Variants in LRRC4 observed in about 807,000 individuals in gnomAD.
The protein encoded by LRRC4 is leucine-rich repeat-containing protein 4.
A neutral mutation model predicts 37.9 loss-of-function variants in LRRC4; 11 were observed. That is an observed-to-expected ratio of 0.29 (90% confidence interval 0.18 to 0.48). The LOEUF (loss-of-function observed/expected upper bound fraction) is 0.48. Among genes scored for constraint, LRRC4 ranks in the 20% least tolerant of loss-of-function variants. The pLI is 0.99. For missense variants in LRRC4, 717 were observed against 842.1 expected, an observed-to-expected ratio of 0.85 and a Z score of 1.84; for synonymous variants, 404 against 346.7, an observed-to-expected ratio of 1.17 and a Z score of -1.84.
chr7:128,028,532 A>T lies in LRRC4; in HGVS notation c.*147T>A. 3 of 750,720 alleles carry T rather than the reference A, an allele frequency of 4.0e-6. No individual in the cohort carries two copies. Among genetic ancestry groups the T allele is most frequent in the Admixed American group, 3.5e-5 (1 of 28,784 alleles). 46.5% of individuals were successfully genotyped at this position (750,720 alleles called of 1,614,324 possible). Reference sequence around the variant, plus strand: ...ATTTTTGTTTTGACTTTTTGTCTTTAAATTTTAATATAATCTGTTTTTTTT... The same window carrying T: ...ATTTTTGTTTTGACTTTTTGTCTTTTAATTTTAATATAATCTGTTTTTTTT... On this transcript the variant is annotated 3_prime_UTR_variant, in exon 2 of 2. Coordinates refer to ENST00000249363, the MANE Select transcript of LRRC4 (RefSeq NM_022143.5).
Position 128,029,301 on chromosome 7 carries a change from T to G in LRRC4, c.1340A>C (p.Asn447Thr), listed in dbSNP as rs1792502725. ...AYLNVSTAEL[N>T]TSNYSFFTTV... Reference sequence around the variant, plus strand: ...GGTGAAGAAGCTGTAGTTGGAGGTGTTAAGCTCAGCCGTGCTCACATTGAG... The same window carrying G: ...GGTGAAGAAGCTGTAGTTGGAGGTGGTAAGCTCAGCCGTGCTCACATTGAG... Residue 447 changes from asparagine to threonine, a missense_variant, in exon 2 of 2, where the codon AAC (asparagine) becomes ACC (threonine). Physicochemically the swap from Asn to Thr is moderately conservative, Grantham distance 65. Transcript: ENST00000249363. This position sits in a 1 kb window ranked among gnomAD's most constrained non-coding sequence, Gnocchi z 4.2. The G allele has an allele frequency of 2.5e-6, 4 of 1,614,030 alleles. No individual in the cohort carries two copies. The highest frequency in any genetic ancestry group is 3.4e-6 in the Non-Finnish European group (4 of 1,180,026).
Position 128,029,676 on chromosome 7 carries a change from T to G in LRRC4, c.965A>C (p.Asn322Thr). ...AWWLREYIPT[N>T]STCCGRCHAP... ...ATGACAGCGGCCACAGCAGGTGGAA[T>G]TGGTGGGTATATACTCTCGAAGCCA... is the stretch of plus-strand genomic sequence containing the variant. The change falls in exon 2 of 2, where the codon AAT becomes ACT. Residue 322 changes from asparagine (N) to threonine (T), a missense_variant. Asn to Thr is a moderately conservative substitution (Grantham distance 65). Coordinates refer to ENST00000249363, the MANE Select transcript of LRRC4 (RefSeq NM_022143.5). The surrounding 1 kb of genome is among the most constrained non-coding windows in gnomAD (Gnocchi z 4.2). 6.2e-7 allele frequency: 1 copy of G among 1,613,878 alleles called. No homozygotes were observed. Among genetic ancestry groups the G allele is most frequent in the Non-Finnish European group, 8.5e-7 (1 of 1,179,966 alleles).
rs146062073 is a variant in LRRC4 at position 128,029,527 on chromosome 7, G to A, written c.1114C>T (p.Leu372Phe). 1.6e-4 allele frequency: 260 copies of A among 1,614,082 alleles called. No homozygotes were observed. In the African/African-American group the frequency reaches 3.1e-3, roughly 19 times the overall value. ...LNISEGRMAE[L>F]KCRTPPMSSV... ...GACATAGGGGGAGTCCGACACTTAA[G>A]TTCTGCCATCCGACCCTCAGAAATG... The change falls in exon 2 of 2, where the codon CTT (leucine) becomes TTT (phenylalanine). Residue 372 changes from leucine (L) to phenylalanine (F), a missense_variant. By Grantham distance (22) the Leu-to-Phe change is conservative. Transcript: ENST00000249363. This position sits in a 1 kb window ranked among gnomAD's most constrained non-coding sequence, Gnocchi z 4.2.
rs1792563574 is a variant in LRRC4, at chr7:128,030,717, T to C, written c.-77A>G. 1.3e-6 allele frequency: 2 copies of C among 1,486,236 alleles called. No homozygotes were observed. Among genetic ancestry groups the C allele is most frequent in the Admixed American group, 2.3e-5 (1 of 43,992 alleles). The allele number at this position is 1,486,236 out of a possible 1,614,324, so 92.1% of individuals were successfully genotyped here. On this transcript the variant is annotated 5_prime_UTR_variant, in exon 2 of 2. Coordinates refer to ENST00000249363, the MANE Select transcript of LRRC4 (RefSeq NM_022143.5). The stretch of plus-strand genomic sequence containing the variant: ...AGAACCAGCCCTACCCCGGCTTAAG[T>C]GAGCTAGGAGCTCCTCTTTCCATCT...
chr7:128,028,970 C>T lies in LRRC4; in HGVS notation c.1671G>A (p.Arg557=), dbSNP rs754708450. ...CAGTCCGGGCGGCTGTGACTGTACT[C>T]CGCTGCTGGTGCCGCTTACGAAGTT... The part of the protein sequence containing the change: ...FYKLRKRHQQ[R]STVTAARTVE... The change falls in exon 2 of 2, where the codon CGG becomes CGA. Residue 557 remains arginine, a synonymous_variant. Coordinates refer to ENST00000249363, the MANE Select transcript of LRRC4 (RefSeq NM_022143.5). The T allele has an allele frequency of 6.2e-7, 1 of 1,608,926 alleles. No homozygotes were observed. The highest frequency in any genetic ancestry group is 1.1e-5 in the South Asian group (1 of 90,454).
rs1792481054 is a variant in LRRC4 at position 128,028,829 on chromosome 7, A to G, written c.1812T>C (p.His604=). 1 of 1,614,056 alleles carries G rather than the reference A, an allele frequency of 6.2e-7. No individual in the cohort carries two copies. Among genetic ancestry groups the G allele is most frequent in the African/African-American group, 1.3e-5 (1 of 74,920 alleles). ...GAVVLPTIHD[H]INYNTYKPAH... The stretch of plus-strand genomic sequence containing the variant: ...CTGGTTTGTAGGTGTTGTAGTTAAT[A>G]TGGTCATGAATTGTGGGCAGCACTA... Residue 604 remains histidine, a synonymous_variant, in exon 2 of 2, where the codon CAT becomes CAC. Coordinates refer to ENST00000249363, the MANE Select transcript of LRRC4 (RefSeq NM_022143.5).
chr7:128,029,845 C>T lies in LRRC4; in HGVS notation c.796G>A (p.Ala266Thr), dbSNP rs1429880531. The T allele has an allele frequency of 6.2e-7, 1 of 1,613,496 alleles. No homozygotes were observed. Among genetic ancestry groups the T allele is most frequent in the South Asian group, 1.1e-5 (1 of 91,086 alleles). The change falls in exon 2 of 2, where the codon GCT (alanine) becomes ACT (threonine). Residue 266 changes from alanine to threonine, a missense_variant. Around this residue, in one of 5 missense-constraint regions of LRRC4, gnomAD observed 138 missense variants for 261.0 expected, o/e 0.53. Transcript: ENST00000249363. The surrounding 1 kb of genome is among the most constrained non-coding windows in gnomAD (Gnocchi z 4.2). The part of the protein sequence containing the change: ...LIERNAFDGL[A>T]SLVELNLAHN... ...GCCAAGTTGAGTTCCACAAGTGAAG[C>T]CAGCCCGTCAAAAGCATTCCGCTCA...
chr7:128,027,774 G>A lies in LRRC4; in HGVS notation c.*905C>T, dbSNP rs995546441. ...ACAATGCTAATTTATGGCCTCCTGT[G>A]AATACATTCTCTCTGCTTTACCCTC... On this transcript the variant is annotated 3_prime_UTR_variant, in exon 2 of 2. Transcript: ENST00000249363. The A allele has an allele frequency of 6.6e-6, 1 of 152,228 alleles. No homozygotes were observed. Among genetic ancestry groups the A allele is most frequent in the Admixed American group, 6.5e-5 (1 of 15,290 alleles). 9.4% of individuals were successfully genotyped at this position (152,228 alleles called of 1,614,324 possible). A position where few individuals can be genotyped will look rare whatever the true frequency, so the allele number is the denominator to read the frequency against.
At position 128,029,134 on chromosome 7, in the gene LRRC4, G is replaced by C; in HGVS notation, c.1507C>G (p.Gln503Glu). 1 of 1,614,162 alleles carries C rather than the reference G, an allele frequency of 6.2e-7. No individual in the cohort carries two copies. Residue 503 changes from glutamine to glutamate, a missense_variant, in exon 2 of 2, where the codon CAG becomes GAG. Gln to Glu is a conservative substitution (Grantham distance 29). Coordinates refer to ENST00000249363, the MANE Select transcript of LRRC4 (RefSeq NM_022143.5). This position sits in a 1 kb window ranked among gnomAD's most constrained non-coding sequence, Gnocchi z 4.2. The part of the protein sequence containing the change: ...VLIQTTRVPK[Q>E]VAVPATDTTD... ...GTGTCTGTCGCGGGTACTGCCACCT[G>C]CTTGGGCACACGGGTAGTCTGAATG...
At position 128,030,017 on chromosome 7, in the gene LRRC4, A is replaced by C. The variant is rs1202005207; in HGVS notation, c.624T>G (p.Ile208Met). The C allele has an allele frequency of 6.2e-7, 1 of 1,613,030 alleles. No individual in the cohort carries two copies. Among genetic ancestry groups the C allele is most frequent in the African/African-American group, 1.3e-5 (1 of 74,906 alleles). ...LKYLNLGMCN[I>M]KDMPNLTPLV... ...GGGGGGTGAGATTGGGCATGTCTTT[A>C]ATGTTGCACATGCCCAAGTTCAGAT... The change falls in exon 2 of 2, where the codon ATT becomes ATG. Residue 208 changes from isoleucine (I) to methionine (M), a missense_variant. Physicochemically the swap from Ile to Met is conservative, Grantham distance 10. Transcript: ENST00000249363.
In LRRC4 at chr7:128,029,122, G is replaced by T; in HGVS notation, c.1519C>A (p.Pro507Thr). Residue 507 changes from proline (P) to threonine (T), a missense_variant, in exon 2 of 2, where the codon CCC becomes ACC. Coordinates refer to ENST00000249363, the MANE Select transcript of LRRC4 (RefSeq NM_022143.5). The surrounding 1 kb of genome is among the most constrained non-coding windows in gnomAD (Gnocchi z 4.2). ...TTRVPKQVAV[P>T]ATDTTDKMQT... ...ATCTTGTCAGTGGTGTCTGTCGCGGGTACTGCCACCTGCTTGGGCACACGG... is the reference window on the plus strand; with the variant it reads ...ATCTTGTCAGTGGTGTCTGTCGCGGTTACTGCCACCTGCTTGGGCACACGG... 1 of 1,614,116 alleles carries T rather than the reference G, an allele frequency of 6.2e-7. No individual in the cohort carries two copies. Among genetic ancestry groups the T allele is most frequent in the Non-Finnish European group, 8.5e-7 (1 of 1,180,032 alleles).
chr7:128,031,906 T>C (rs952705394), upstream of LRRC4: 1 of 150,726 alleles, frequency 6.6e-6, no homozygotes, highest in East Asian at 2.0e-4. Flanking sequence ...TGCAGCGGCG[T>C]GAGCAGCGGG....
chr7:128,029,499 G>T lies in LRRC4; in HGVS notation c.1142C>A (p.Ser381Tyr), dbSNP rs751888728. The part of the protein sequence containing the change: ...ELKCRTPPMS[S>Y]VKWLLPNGTV... ...CCCATTGGGCAGCAACCACTTCACGGAGGACATAGGGGGAGTCCGACACTT... is the reference window on the plus strand; with the variant it reads ...CCCATTGGGCAGCAACCACTTCACGTAGGACATAGGGGGAGTCCGACACTT... Residue 381 changes from serine (S) to tyrosine (Y), a missense_variant, in exon 2 of 2, where the codon TCC becomes TAC. Around this residue, in one of 5 missense-constraint regions of LRRC4, gnomAD observed 293 missense variants for 268.3 expected, o/e 1.09. Transcript: ENST00000249363. This position sits in a 1 kb window ranked among gnomAD's most constrained non-coding sequence, Gnocchi z 4.2. The T allele has an allele frequency of 6.2e-7, 1 of 1,614,140 alleles. No homozygotes were observed. The highest frequency in any genetic ancestry group is 8.5e-7 in the Non-Finnish European group (1 of 1,180,036).
In LRRC4 at chr7:128,027,971, A is replaced by G. The variant is rs1334220649; in HGVS notation, c.*708T>C. On this transcript the variant is annotated 3_prime_UTR_variant, in exon 2 of 2. Coordinates refer to ENST00000249363, the MANE Select transcript of LRRC4 (RefSeq NM_022143.5). ...TCCCGTCCTTCTCTGCTCCTTTCTA[A>G]GCAATTCTGTCAGGCAAGGCACATG... The G allele has an allele frequency of 6.6e-6, 1 of 152,512 alleles. No individual in the cohort carries two copies. The highest frequency in any genetic ancestry group is 6.5e-5 in the Admixed American group (1 of 15,288). 9.4% of individuals were successfully genotyped at this position (152,512 alleles called of 1,614,324 possible).
rs1314167004 is a variant in LRRC4 at position 128,027,159 on chromosome 7, C to G, written c.*1520G>C. 1 of 152,528 alleles carries G rather than the reference C, an allele frequency of 6.6e-6. No individual in the cohort carries two copies. Among genetic ancestry groups the G allele is most frequent in the Non-Finnish European group, 1.5e-5 (1 of 68,022 alleles). 9.4% of individuals were successfully genotyped at this position (152,528 alleles called of 1,614,324 possible). On this transcript the variant is annotated 3_prime_UTR_variant, in exon 2 of 2. Transcript: ENST00000249363. ...TCTTTTGTTGGCAATTCCCCTCCCC[C>G]ACCCATACCACCCCCTTTCAAATCT...
rs1327027163 is a variant in LRRC4, at chr7:128,029,078, T to C, written c.1563A>G (p.Glu521=). ...TGATGATCTTGGTGGTCTTCATGAC[T>C]TCATCCAGGCTGGTCTGCATCTTGT... ...TTDKMQTSLD[E]VMKTTKIIIG... is the part of the protein sequence containing the mutation. Residue 521 remains glutamate (E), a synonymous_variant, in exon 2 of 2, where the codon GAA becomes GAG. Transcript: ENST00000249363. The surrounding 1 kb of genome is among the most constrained non-coding windows in gnomAD (Gnocchi z 4.2). 6.2e-7 allele frequency: 1 copy of C among 1,613,996 alleles called. No homozygotes were observed. Among genetic ancestry groups the C allele is most frequent in the South Asian group, 1.1e-5 (1 of 91,054 alleles).
chr7:128,028,196 T>C lies in LRRC4; in HGVS notation c.*483A>G, dbSNP rs1041750548. On this transcript the variant is annotated 3_prime_UTR_variant, in exon 2 of 2. Transcript: ENST00000249363. The stretch of plus-strand genomic sequence containing the variant: ...TCATGGTGCTTTTTTTTTGTATTTT[T>C]TTTTAATAAGATAATTCTGCAAAGA... The C allele has an allele frequency of 6.5e-6, 1 of 153,040 alleles. No individual in the cohort carries two copies. The highest frequency in any genetic ancestry group is 1.5e-5 in the Non-Finnish European group (1 of 68,362). The allele number at this position is 153,040 out of a possible 1,614,324, so 9.5% of individuals were successfully genotyped here.
In LRRC4 at chr7:128,028,944, A is replaced by G; in HGVS notation, c.1697T>C (p.Val566Ala). 6.2e-7 allele frequency: 1 copy of G among 1,609,240 alleles called. No individual in the cohort carries two copies. The highest frequency in any genetic ancestry group is 8.5e-7 in the Non-Finnish European group (1 of 1,177,174). Residue 566 changes from valine (V) to alanine (A), a missense_variant, in exon 2 of 2, where the codon GTT (valine) becomes GCT (alanine). By Grantham distance (64) the Val-to-Ala change is moderately conservative. Coordinates refer to ENST00000249363, the MANE Select transcript of LRRC4 (RefSeq NM_022143.5). ...QRSTVTAARTVEIIQVDEDIP... is the reference protein window; with the variant it reads ...QRSTVTAARTAEIIQVDEDIP... Reference sequence around the variant, plus strand: ...GTCTTCGTCCACCTGGATTATCTCAACAGTCCGGGCGGCTGTGACTGTACT... The same window carrying G: ...GTCTTCGTCCACCTGGATTATCTCAGCAGTCCGGGCGGCTGTGACTGTACT...
At position 128,028,837 on chromosome 7, in the gene LRRC4, G is replaced by T; in HGVS notation, c.1804C>A (p.His602Asn). ...GEGAVVLPTI[H>N]DHINYNTYKP... is the part of the protein sequence containing the mutation. ...TAGGTGTTGTAGTTAATATGGTCAT[G>T]AATTGTGGGCAGCACTACTGCCCCC... Residue 602 changes from histidine (H) to asparagine (N), a missense_variant, in exon 2 of 2, where the codon CAT becomes AAT. By Grantham distance (68) the His-to-Asn change is moderately conservative. Around this residue, in one of 5 missense-constraint regions of LRRC4, gnomAD observed 140 missense variants for 137.2 expected, o/e 1.02. Transcript: ENST00000249363. The T allele has an allele frequency of 6.2e-7, 1 of 1,614,188 alleles. No individual in the cohort carries two copies.
Sources: gnomAD v4.1 joint callset for allele counts on GRCh38, gnomAD v4.1.1 for gene constraint, gnomAD v4.1.1 regional missense constraint, Gnocchi (gnomAD v3.1) non-coding constraint, MANE v1.5 for transcripts, NCBI Gene and HGNC (gene_info 2026-07-23, HGNC 2026-07-21) for gene names.